Variants in SLIT1 observed in about 807,000 individuals in gnomAD.
SLIT1 encodes slit guidance ligand 1.
Under a neutral mutation model 186.1 loss-of-function variants are expected in SLIT1, and 66 were observed. The observed-to-expected ratio is 0.35, with a 90% CI of 0.29 to 0.44. SLIT1 has a LOEUF of 0.44. Ranked by LOEUF, SLIT1 falls within the 20% of genes least tolerant of loss-of-function variation. SLIT1 has a pLI of 1.00. For synonymous variants in SLIT1, 761 were observed against 833.8 expected, an observed-to-expected ratio of 0.91 and a Z score of 1.50; for missense variants, 1,638 against 2,037.4, an observed-to-expected ratio of 0.80 and a Z score of 3.77.
chr10:97,086,599 G>T (rs1256846328), intron 4 of SLIT1, among the ~76,000 whole-genome samples: 5 of 151,996 alleles, frequency 3.3e-5, no homozygotes, highest in Non-Finnish European at 7.4e-5. Flanking sequence ...AGAAAGGAAA[G>T]GAAAGGACTA....
Position 97,043,065 on chromosome 10 carries a change from T to G in SLIT1, c.2000A>C (p.Asn667Thr), listed in dbSNP as rs758131360. Residue 667 changes from asparagine to threonine, a missense_variant and splice_region_variant, in exon 20 of 37, where the codon AAT becomes ACT. Transcript: ENST00000266058. This position sits in a 1 kb window ranked among gnomAD's most constrained non-coding sequence, Gnocchi z 7.0. ...FDTLQSLSTL[N>T]LLANPFNCNC... ...GCAGTTGAAAGGGTTGGCCAGGAGATTCCTGGAAGAGGCAGGCCAGGCGGC... is the reference window on the plus strand; with the variant it reads ...GCAGTTGAAAGGGTTGGCCAGGAGAGTCCTGGAAGAGGCAGGCCAGGCGGC... 2 of 1,613,630 alleles carry G rather than the reference T, an allele frequency of 1.2e-6. No individual in the cohort carries two copies. The highest frequency in any genetic ancestry group is 1.7e-6 in the Non-Finnish European group (2 of 1,179,722).
chr10:97,145,229 C>T (rs1029553351), intron 4 of SLIT1, among the ~76,000 whole-genome samples: 1 of 152,070 alleles, frequency 6.6e-6, no homozygotes, highest in Admixed American at 6.5e-5. Context: ...GCAATTCTCC[C>T]GCCTCAGCCT....
rs1228106468 is a variant in SLIT1, at chr10:97,015,241, G to A, written c.2970-1083C>T. 7.2e-5 allele frequency among the ~76,000 whole-genome samples: 11 copies of A among 152,168 alleles called. 1 individual carries two copies. Among genetic ancestry groups the A allele is most frequent in the Non-Finnish European group, 1.2e-4 (8 of 68,032 alleles). The stretch of plus-strand genomic sequence containing the variant: ...GGACAAGCCCTCCAGGTAGAAAGGT[G>A]GGCATGCTTCCAGGTGCCAAATAAA... On this transcript the variant is annotated intron_variant, in intron 28 of 36. Transcript: ENST00000266058.
chr10:97,098,978 G>C, intron 4 of SLIT1, among the ~76,000 whole-genome samples: 1 of 152,198 alleles, frequency 6.6e-6, no homozygotes. Flanking sequence ...CAATAAAGCA[G>C]CAGGAAATGA....
At chr10:97,139,331 G>A (rs545477796) in intron 4 of SLIT1, among the ~76,000 whole-genome samples, 4 of 152,332 alleles carry the variant, frequency 2.6e-5, no homozygotes, top group South Asian at 2.1e-4. Flanking sequence ...AGCCTTGGAG[G>A]AGAAAGAGGC....
chr10:97,027,213 C>T (rs1026320626), intron 25 of SLIT1, among the ~76,000 whole-genome samples: 9 of 152,302 alleles, frequency 5.9e-5, no homozygotes, highest in South Asian at 4.2e-4. Flanking sequence ...ACAGCTTTCA[C>T]GAAGCCCGGA....
At chr10:97,172,610 C>A (rs1159694662) in intron 1 of SLIT1, among the ~76,000 whole-genome samples, 1 of 152,166 alleles carries the variant, frequency 6.6e-6, no homozygotes, top group Non-Finnish European at 1.5e-5. Context: ...TAAAAACACA[C>A]ACACATTAAG....
In SLIT1 at chr10:97,105,869, C is replaced by T. The variant is rs138424990; in HGVS notation, c.414-39783G>A. ...TGACCAGCCAGAAAGACAACCATACCCGGAATCTGGTCCGGAGGCCTCCGC... is the reference window on the plus strand; with the variant it reads ...TGACCAGCCAGAAAGACAACCATACTCGGAATCTGGTCCGGAGGCCTCCGC... On this transcript the variant is annotated intron_variant, in intron 4 of 36. Coordinates refer to ENST00000266058, the MANE Select transcript of SLIT1 (RefSeq NM_003061.3). 3.3e-3 allele frequency among the ~76,000 whole-genome samples: 506 copies of T among 152,340 alleles called. 2 individuals are homozygous for T. The highest frequency in any genetic ancestry group is 0.012 in the African/African-American group (483 of 41,588).
intron 13 of SLIT1, among the ~76,000 whole-genome samples, chr10:97,052,104 G>GT (rs372886018): frequency 0.26 from 35,059 of 136,864 alleles, 4,931 homozygotes; most frequent in African/African-American, 0.36. Flanking sequence ...TTTTTTGTTT[G>GT]TTTTTTTTTT....
At chr10:97,157,734 GC>G in intron 4 of SLIT1, 83 bp downstream of exon 4, 4 of 1,004,792 alleles carry the variant, frequency 4.0e-6, no homozygotes, top group South Asian at 1.3e-5. Context: ...GAATATCCAG[GC>G]CCCACTGACC....
chr10:97,055,584 G>A (rs1848829530), intron 13 of SLIT1, among the ~76,000 whole-genome samples: 1 of 151,914 alleles, frequency 6.6e-6, no homozygotes, highest in African/African-American at 2.4e-5. Context: ...TACCTAGGCT[G>A]GTATTGAACT....
chr10:97,027,598 G>A (rs1026402295), intron 25 of SLIT1, among the ~76,000 whole-genome samples: 3 of 152,164 alleles, frequency 2.0e-5, no homozygotes, highest in Non-Finnish European at 4.4e-5. Context: ...TACAAGTACT[G>A]CTAACCTGAT....
chr10:97,135,307 G>C (rs1849692126), intron 4 of SLIT1, among the ~76,000 whole-genome samples: 1 of 152,032 alleles, frequency 6.6e-6, no homozygotes, highest in Admixed American at 6.6e-5. Flanking sequence ...AAAATACTTA[G>C]GCTCGGTGTC....
chr10:97,034,750 G>A (rs72819891), intron 22 of SLIT1, among the ~76,000 whole-genome samples: 4,858 of 152,136 alleles, frequency 0.032, 118 homozygotes, highest in Non-Finnish European at 0.042. Flanking sequence ...TCAGGTACCA[G>A]GGCTTGGTGC....
At chr10:97,074,934 T>C (rs963431438) in intron 4 of SLIT1, among the ~76,000 whole-genome samples, 6 of 152,250 alleles carry the variant, frequency 3.9e-5, no homozygotes, top group African/African-American at 1.4e-4. Flanking sequence ...GATTGGTCCC[T>C]GCTGGCAGAC....
At chr10:97,183,356 C>T (rs902743320) in intron 1 of SLIT1, among the ~76,000 whole-genome samples, 18 of 152,308 alleles carry the variant, frequency 1.2e-4, no homozygotes, top group African/African-American at 4.3e-4. Context: ...TAATGAGATT[C>T]CCCTCCCTAT....
At chr10:97,113,800 C>G (rs1849485359) in intron 4 of SLIT1, among the ~76,000 whole-genome samples, 1 of 152,190 alleles carries the variant, frequency 6.6e-6, no homozygotes, top group African/African-American at 2.4e-5. Flanking sequence ...AGGTGATACG[C>G]TCGCCTCGGC....
At chr10:97,122,871 C>T (rs570538981) in intron 4 of SLIT1, among the ~76,000 whole-genome samples, 1 of 152,248 alleles carries the variant, frequency 6.6e-6, no homozygotes, top group Non-Finnish European at 1.5e-5. Flanking sequence ...TGTGCCTCAC[C>T]TGCTCAGCAG....
At chr10:97,029,054 T>C (rs1438267286) in intron 25 of SLIT1, among the ~76,000 whole-genome samples, 1 of 152,236 alleles carries the variant, frequency 6.6e-6, no homozygotes, top group Non-Finnish European at 1.5e-5. Flanking sequence ...CATGTGGAGC[T>C]GGCTCATAAC....
Sources: gnomAD v4.1 joint callset for allele counts (sites outside exome capture counted in the v4.1 genomes callset) on GRCh38, gnomAD v4.1.1 for gene constraint, Gnocchi (gnomAD v3.1) non-coding constraint, MANE v1.5 for transcripts, NCBI Gene and HGNC (gene_info 2026-07-23, HGNC 2026-07-21) for gene names.